The following LAMC2 variants were observed in gnomAD, a reference collection of about 807,000 sequenced individuals.
LAMC2 encodes the protein laminin subunit gamma 2, also known as laminin subunit gamma-2.
LAMC2 carries 97 observed loss-of-function variants against 140.2 expected under a neutral mutation model. That is an observed-to-expected ratio of 0.69 (90% confidence interval 0.59 to 0.82). The LOEUF is 0.82. LAMC2 is among the 40% of genes least tolerant of loss of function. The pLI is 0.00. For synonymous variants in LAMC2, 513 were observed against 540.2 expected, an observed-to-expected ratio of 0.95 and a Z score of 0.70; for missense variants, 1,402 against 1,476.1, an observed-to-expected ratio of 0.95 and a Z score of 0.82.
At chr1:183,199,549 T>TTCCATCCA (rs951717695) in intron 1 of LAMC2, among the ~76,000 whole-genome samples, 1 of 151,856 alleles carries the variant, frequency 6.6e-6, no homozygotes, top group Non-Finnish European at 1.5e-5. Flanking sequence ...TCCACCATCT[T>TTCCATCCA]TCCATCCATC....
chr1:183,194,601 G>A (rs1571500084), intron 1 of LAMC2, among the ~76,000 whole-genome samples: 4 of 152,306 alleles, frequency 2.6e-5, no homozygotes, highest in Admixed American at 2.6e-4. Flanking sequence ...AGGCATTTTA[G>A]TACAAATTAG....
chr1:183,251,306 G>A, the LAMC2 span: 1 of 151,524 alleles, frequency 6.6e-6, no homozygotes, highest in East Asian at 1.9e-4. Context: ...TTCTCAAGAA[G>A]AAACTGACCT....
intron 1 of LAMC2, among the ~76,000 whole-genome samples, chr1:183,199,536 C>G (rs1203493446): frequency 6.6e-6 from 1 of 151,840 alleles, no homozygotes; most frequent in Non-Finnish European, 1.5e-5. Flanking sequence ...ATCCATCATG[C>G]TATCCACCAT....
intron 19 of LAMC2, among the ~76,000 whole-genome samples, chr1:183,239,026 C>T (rs1368844136): frequency 1.3e-5 from 2 of 152,204 alleles, no homozygotes; most frequent in Admixed American, 1.3e-4. Context: ...AAACCTAACC[C>T]CAATTCTTAT....
chr1:183,249,145 G>A (rs1333336289), downstream of LAMC2: 2 of 152,216 alleles, frequency 1.3e-5, no homozygotes, highest in Non-Finnish European at 2.9e-5. Context: ...GGCGTCTCTA[G>A]AAGCTCTAGC....
At position 183,240,139 on chromosome 1, in the gene LAMC2, G is replaced by A. The variant is rs756016228; in HGVS notation, c.3169G>A (p.Glu1057Lys). The A allele has an allele frequency of 3.7e-6, 6 of 1,614,090 alleles. No homozygotes were observed. The East Asian group carries it at 1.3e-4, about 36-fold the overall frequency. ...TCTGAAGAGTGAGATGAGGGAAGTG[G>A]AAGGAGAGCTGGAAAGGAAGGAGCT... Reference protein sequence around the residue: ...ASLKSEMREVEGELERKELEF... With the variant: ...ASLKSEMREVKGELERKELEF... Residue 1057 changes from glutamate (E) to lysine (K), a missense_variant, in exon 21 of 23, where the codon GAA becomes AAA. Physicochemically the swap from Glu to Lys is moderately conservative, Grantham distance 56 (BLOSUM62 1). Coordinates refer to ENST00000264144, the MANE Select transcript of LAMC2 (RefSeq NM_005562.3).
the LAMC2 span, among the ~76,000 whole-genome samples, chr1:183,257,946 T>C: frequency 1.3e-5 from 2 of 152,208 alleles, no homozygotes; most frequent in Non-Finnish European, 2.9e-5. Flanking sequence ...GGCAATTTAT[T>C]TGGGGTCTTT....
intron 1 of LAMC2, among the ~76,000 whole-genome samples, chr1:183,201,646 A>G (rs573199173): frequency 3.9e-5 from 6 of 152,372 alleles, no homozygotes; most frequent in Admixed American, 1.3e-4. Context: ...GCGGTGGCTC[A>G]CGCCTGTAAT....
rs765743445 is a variant in LAMC2 at position 183,232,652 on chromosome 1, G to C, written c.2015G>C (p.Gly672Ala). The C allele has an allele frequency of 1.1e-5, 18 of 1,612,354 alleles. No individual in the cohort carries two copies. In the Admixed American group the frequency reaches 2.8e-4, roughly 25 times the overall value. The change falls in exon 14 of 23, where the codon GGT becomes GCT. Residue 672 changes from glycine to alanine, a missense_variant and splice_region_variant. By Grantham distance (60) the Gly-to-Ala change is moderately conservative. Transcript: ENST00000264144. ...GCTCCCTTTCCTTCTTTGCGTTCAG[G>C]TGCTAGCAGATCCCTTGGTCTCCAG... ...DILRDAQISE[G>A]ASRSLGLQLA... is the part of the protein sequence containing the mutation.
intron 7 of LAMC2, 96 bp downstream of exon 7, chr1:183,223,420 C>A: frequency 8.0e-7 from 1 of 1,251,352 alleles, no homozygotes; most frequent in Non-Finnish European, 1.2e-6. Context: ...ATTTGTTCAA[C>A]AAGCCTTTCT....
intron 1 of LAMC2, among the ~76,000 whole-genome samples, chr1:183,204,110 C>T (rs913342634): frequency 6.6e-6 from 1 of 151,684 alleles, no homozygotes; most frequent in South Asian, 2.1e-4. Context: ...GGCAATACCA[C>T]GAGAACCTGT....
At chr1:183,196,085 G>C (rs1022505463) in intron 1 of LAMC2, among the ~76,000 whole-genome samples, 1 of 152,022 alleles carries the variant, frequency 6.6e-6, no homozygotes, top group Non-Finnish European at 1.5e-5. Context: ...GCTTTAGATT[G>C]CATACATAAT....
At chr1:183,218,323 ATT>A in intron 3 of LAMC2, 65 bp from the exon 4 acceptor site, 1 of 1,284,536 alleles carries the variant, frequency 7.8e-7, no homozygotes, top group Non-Finnish European at 1.1e-6. Context: ...TGAGCAGTTG[ATT>A]TTTATGTGCA....
In LAMC2 at chr1:183,225,735, G is replaced by T; in HGVS notation, c.1066+15G>T. ...TGGAGAATACAGTAAGTGGCTACGA[G>T]AAATTAATTTCTTTCTTCTTAGGTG... On this transcript the variant is annotated intron_variant, in intron 8 of 22. Coordinates refer to ENST00000264144, the MANE Select transcript of LAMC2 (RefSeq NM_005562.3). 1 of 1,531,466 alleles carries T rather than the reference G, an allele frequency of 6.5e-7. No homozygotes were observed. The highest frequency in any genetic ancestry group is 9.1e-7 in the Non-Finnish European group (1 of 1,104,460). 94.9% of individuals were successfully genotyped at this position (1,531,466 alleles called of 1,614,324 possible).
At chr1:183,196,629 A>C (rs1313682463) in intron 1 of LAMC2, among the ~76,000 whole-genome samples, 7 of 152,222 alleles carry the variant, frequency 4.6e-5, no homozygotes, top group Admixed American at 4.6e-4. Flanking sequence ...AGGTGACTTC[A>C]TGGAGGCAAC....
chr1:183,188,890 G>A (rs113645840), intron 1 of LAMC2, among the ~76,000 whole-genome samples: 2,383 of 152,326 alleles, frequency 0.016, 34 homozygotes, highest in Non-Finnish European at 0.022. Context: ...GCTTGTGAAG[G>A]GCTTTATGTG....
intron 5 of LAMC2, 81 bp from the exon 6 acceptor site, chr1:183,222,008 T>C: frequency 6.3e-7 from 1 of 1,577,562 alleles, no homozygotes; most frequent in Admixed American, 1.7e-5. Context: ...CTAGGACTTG[T>C]CGGCAAGCAA....
intron 3 of LAMC2, among the ~76,000 whole-genome samples, chr1:183,216,953 G>A (rs554567301): frequency 6.6e-6 from 1 of 152,274 alleles, no homozygotes; most frequent in Non-Finnish European, 1.5e-5. Flanking sequence ...CCCCGGTTCT[G>A]AGCACCCGGT....
rs2102251706 is a variant in LAMC2 at position 183,239,445 on chromosome 1, C to T, written c.2951C>T (p.Ser984Leu). The change falls in exon 20 of 23, where the codon TCA becomes TTA. Residue 984 changes from serine to leucine, a missense_variant. Around this residue, in one of 3 missense-constraint regions of LAMC2, gnomAD observed 670 missense variants for 667.2 expected, o/e 1.00. Transcript: ENST00000264144. ...KRLSYISQKV[S>L]DASDKTQQAE... ...CTCTCCTACATCAGCCAGAAGGTTT[C>T]AGATGCCAGTGACAAGACCCAGCAA... is the stretch of plus-strand genomic sequence containing the variant. 6.2e-7 allele frequency: 1 copy of T among 1,614,174 alleles called. No homozygotes were observed. Among genetic ancestry groups the T allele is most frequent in the South Asian group, 1.1e-5 (1 of 91,076 alleles).
Sources: allele counts gnomAD v4.1 joint callset (sites outside exome capture counted in the v4.1 genomes callset), GRCh38; gene constraint gnomAD v4.1.1; regional missense constraint gnomAD v4.1.1; transcripts MANE v1.5; gene names NCBI Gene and HGNC (gene_info 2026-07-23, HGNC 2026-07-21).